The following PPP4R3B variants were observed in gnomAD, a reference collection of about 807,000 sequenced individuals.
PPP4R3B encodes protein phosphatase 4 regulatory subunit 3B, also known as serine/threonine-protein phosphatase 4 regulatory subunit 3B.
PPP4R3B carries 52 observed loss-of-function variants against 95.4 expected under a neutral mutation model. The observed-to-expected ratio is 0.54, with a 90% confidence interval of 0.44 to 0.69. PPP4R3B has a LOEUF of 0.69. Among genes scored for constraint, PPP4R3B ranks in the 30% least tolerant of loss-of-function variants. PPP4R3B has a pLI of 0.00. For missense variants in PPP4R3B, 1,003 were observed against 1,005.9 expected, an observed-to-expected ratio of 1.00 and a Z score of 0.04; for synonymous variants, 407 against 343.9, an observed-to-expected ratio of 1.18 and a Z score of -2.03.
chr2:55,600,554 A>C (rs910439819), intron 3 of PPP4R3B, among the ~76,000 whole-genome samples: 5 of 152,068 alleles, frequency 3.3e-5, no homozygotes, highest in Non-Finnish European at 7.4e-5. Context: ...CAGAACTGAA[A>C]AAGTAAAACA....
intron 16 of PPP4R3B, among the ~76,000 whole-genome samples, chr2:55,551,472 C>T (rs540045120): frequency 6.6e-6 from 1 of 152,192 alleles, no homozygotes; most frequent in South Asian, 2.1e-4. Context: ...AATTGATGGC[C>T]AGGCGCAGTG....
chr2:55,553,479 C>T (rs2103774045), intron 16 of PPP4R3B, among the ~76,000 whole-genome samples: 1 of 152,286 alleles, frequency 6.6e-6, no homozygotes, highest in Non-Finnish European at 1.5e-5. Context: ...ACCATAAACT[C>T]ACCATTTCAG....
At chr2:55,606,494 G>A (rs537330935) in intron 2 of PPP4R3B, among the ~76,000 whole-genome samples, 1 of 151,884 alleles carries the variant, frequency 6.6e-6, no homozygotes, top group Non-Finnish European at 1.5e-5. Context: ...AGACCAGCCT[G>A]GGCAATGCAG....
In PPP4R3B at chr2:55,615,457, T is replaced by C. The variant is rs1694758460; in HGVS notation, c.192A>G (p.Lys64=). The change falls in exon 2 of 17, where the codon AAA becomes AAG. Residue 64 remains lysine, a synonymous_variant. Coordinates refer to ENST00000616407, the MANE Select transcript of PPP4R3B (RefSeq NM_001122964.3). ...SKINPNTAYQ[K]QQDTLIVWSE... Reference sequence around the variant, plus strand: ...AAGATAAACAACTACTTGCCTGTTGTTTCTGATATGCAGTATTTGGATTTA... The same window carrying C: ...AAGATAAACAACTACTTGCCTGTTGCTTCTGATATGCAGTATTTGGATTTA... 2 of 1,593,526 alleles carry C rather than the reference T, an allele frequency of 1.3e-6. No homozygotes were observed. Among genetic ancestry groups the C allele is most frequent in the Admixed American group, 1.8e-5 (1 of 56,586 alleles).
intron 1 of PPP4R3B, chr2:55,616,624 G>C (rs941454223): frequency 4.6e-5 from 7 of 152,228 alleles, no homozygotes; most frequent in African/African-American, 1.7e-4. Context: ...ATGTGCTTGT[G>C]TGTCCATGTA....
chr2:55,609,175 A>ATT (rs1042882470), intron 2 of PPP4R3B, among the ~76,000 whole-genome samples: 38 of 148,956 alleles, frequency 2.6e-4, no homozygotes, highest in African/African-American at 8.6e-4. Flanking sequence ...AATTCATCTG[A>ATT]TTTTTTTTTT....
chr2:55,551,151 C>T (rs1039431988), intron 16 of PPP4R3B, among the ~76,000 whole-genome samples: 1 of 151,964 alleles, frequency 6.6e-6, no homozygotes, highest in Non-Finnish European at 1.5e-5. Flanking sequence ...ATAATGAGTT[C>T]AAAACCAGCC....
At position 55,585,033 on chromosome 2, in the gene PPP4R3B, C is replaced by G. The variant is rs767217278; in HGVS notation, c.1233+18G>C. 3.8e-6 allele frequency: 6 copies of G among 1,565,682 alleles called. No individual in the cohort carries two copies. Among genetic ancestry groups the G allele is most frequent in the African/African-American group, 1.4e-5 (1 of 73,940 alleles). ...ACTCTACAGGTAATTCACATAGAAC[C>G]ACAGCATTATTACTTACGTCATCAC... On this transcript the variant is annotated intron_variant, in intron 7 of 16. Transcript: ENST00000616407.
chr2:55,578,310 T>A lies in PPP4R3B; in HGVS notation c.1501A>T (p.Ser501Cys). The change falls in exon 10 of 17, where the codon AGT becomes TGT. Residue 501 changes from serine (S) to cysteine (C), a missense_variant. By Grantham distance (112) the Ser-to-Cys change is moderately radical. Around this residue, in one of 3 missense-constraint regions of PPP4R3B, gnomAD observed 695 missense variants for 686.2 expected, o/e 1.01. Coordinates refer to ENST00000616407, the MANE Select transcript of PPP4R3B (RefSeq NM_001122964.3). The part of the protein sequence containing the change: ...FFLKHYRYSW[S>C]FICTPSHSHS... The stretch of plus-strand genomic sequence containing the variant: ...GAATGTGAAGGGGTACATATGAAAC[T>A]CCAACTATATCTGTAATGTTTTAAA... 1 of 1,456,570 alleles carries A rather than the reference T, an allele frequency of 6.9e-7. No individual in the cohort carries two copies. Among genetic ancestry groups the A allele is most frequent in the Non-Finnish European group, 9.1e-7 (1 of 1,104,364 alleles). 90.2% of individuals were successfully genotyped at this position (1,456,570 alleles called of 1,614,324 possible). A position where few individuals can be genotyped will look rare whatever the true frequency, so the allele number is the denominator to read the frequency against.
At chr2:55,587,410 C>T (rs1184209445) in intron 5 of PPP4R3B, among the ~76,000 whole-genome samples, 1 of 152,098 alleles carries the variant, frequency 6.6e-6, no homozygotes, top group East Asian at 1.9e-4. Context: ...AGGGTGAAAC[C>T]CTGTCTCTAC....
Position 55,558,948 on chromosome 2 carries a change from C to T in PPP4R3B, c.2281G>A (p.Glu761Lys), listed in dbSNP as rs1280214964. The change falls in exon 16 of 17, where the codon GAA becomes AAA. Residue 761 changes from glutamate (E) to lysine (K), a missense_variant. Physicochemically the swap from Glu to Lys is moderately conservative, Grantham distance 56. Around this residue, in one of 3 missense-constraint regions of PPP4R3B, gnomAD observed 229 missense variants for 194.7 expected, o/e 1.18. Transcript: ENST00000616407. ...GGAGATGTCCTTTTGGGAAGGTTTT[C>T]CTTGTCTTCACTTTCTTTTGCTAAA... ...TKKAKESEDK[E>K]NLPKRTSPGG... 1 of 1,608,632 alleles carries T rather than the reference C, an allele frequency of 6.2e-7. No individual in the cohort carries two copies. Among genetic ancestry groups the T allele is most frequent in the Non-Finnish European group, 8.5e-7 (1 of 1,177,962 alleles).
rs61762671 is a variant in PPP4R3B at position 55,579,758 on chromosome 2, T to G, written c.1389A>C (p.Leu463=). 4 of 1,606,710 alleles carry G rather than the reference T, an allele frequency of 2.5e-6. No homozygotes were observed. Among genetic ancestry groups the G allele is most frequent in the Non-Finnish European group, 2.5e-6 (3 of 1,177,272 alleles). Residue 463 remains leucine, a synonymous_variant, in exon 9 of 17, where the codon CTA becomes CTC. Transcript: ENST00000616407. ...GCATACAATGGTTGTAGAAAAAATTTAGAAATTCACTTTTTTCGGTTTTCT... is the reference window on the plus strand; with the variant it reads ...GCATACAATGGTTGTAGAAAAAATTGAGAAATTCACTTTTTTCGGTTTTCT... ...TTNKTEKSEF[L]NFFYNHCMHV...
chr2:55,579,764 T>A lies in PPP4R3B; in HGVS notation c.1383A>T (p.Glu461Asp). 5.0e-6 allele frequency: 8 copies of A among 1,603,696 alleles called. No individual in the cohort carries two copies. The highest frequency in any genetic ancestry group is 6.0e-6 in the Non-Finnish European group (7 of 1,176,362). The change falls in exon 9 of 17, where the codon GAA becomes GAT. Residue 461 changes from glutamate (E) to aspartate (D), a missense_variant. Glu to Asp is a conservative substitution (Grantham distance 45, BLOSUM62 2). Coordinates refer to ENST00000616407, the MANE Select transcript of PPP4R3B (RefSeq NM_001122964.3). Reference protein sequence around the residue: ...LATTNKTEKSEFLNFFYNHCM... With the variant: ...LATTNKTEKSDFLNFFYNHCM... ...AATGGTTGTAGAAAAAATTTAGAAA[T>A]TCACTTTTTTCGGTTTTCTGAAACA...
At chr2:55,602,639 T>G (rs186169012) in intron 3 of PPP4R3B, among the ~76,000 whole-genome samples, 2 of 152,338 alleles carry the variant, frequency 1.3e-5, no homozygotes, top group Admixed American at 6.5e-5. Context: ...ACTTAACTAG[T>G]TGGCAATACT....
intron 15 of PPP4R3B, among the ~76,000 whole-genome samples, chr2:55,560,003 T>A (rs1263892123): frequency 6.6e-6 from 1 of 152,048 alleles, no homozygotes; most frequent in Non-Finnish European, 1.5e-5. Flanking sequence ...ACACCTATAA[T>A]CCCAGCTGCT....
At chr2:55,557,412 T>C (rs1438653443) in intron 16 of PPP4R3B, among the ~76,000 whole-genome samples, 1 of 152,208 alleles carries the variant, frequency 6.6e-6, no homozygotes, top group Non-Finnish European at 1.5e-5. Context: ...AGACTGGTCT[T>C]GGACTCCTGC....
chr2:55,579,366 C>T lies in PPP4R3B; in HGVS notation c.1468+313G>A, dbSNP rs561040483. On this transcript the variant is annotated intron_variant, in intron 9 of 16. Coordinates refer to ENST00000616407, the MANE Select transcript of PPP4R3B (RefSeq NM_001122964.3). ...AATGCTTTCTTTTGATAAGTGTCTA[C>T]ATATCAATTCCTTAGTGTGTAATAC... Among the ~76,000 whole-genome samples, 30 of 151,102 alleles carry T rather than the reference C, an allele frequency of 2.0e-4. No individual in the cohort carries two copies. The East Asian group carries it at 4.9e-3, about 25-fold the overall frequency.
chr2:55,591,755 G>T, intron 4 of PPP4R3B: 1 of 669,704 alleles, frequency 1.5e-6, no homozygotes, highest in Non-Finnish European at 1.8e-6. Context: ...AAGAGAATAT[G>T]TATTCCTAGT....
At chr2:55,558,419 C>G (rs932495060) in intron 16 of PPP4R3B, among the ~76,000 whole-genome samples, 1 of 152,054 alleles carries the variant, frequency 6.6e-6, no homozygotes, top group African/African-American at 2.4e-5. Context: ...ACCATCCTGG[C>G]CAACATGGTG....
Sources: allele counts gnomAD v4.1 joint callset (sites outside exome capture counted in the v4.1 genomes callset), GRCh38; gene constraint gnomAD v4.1.1; regional missense constraint gnomAD v4.1.1; transcripts MANE v1.5; gene names NCBI Gene and HGNC (gene_info 2026-07-23, HGNC 2026-07-21).